The following KCNH8 variants were observed in gnomAD, a reference collection of about 807,000 sequenced individuals.
KCNH8 encodes the protein voltage-gated delayed rectifier potassium channel KCNH8.
KCNH8 carries 70 observed loss-of-function variants against 103.6 expected under a neutral mutation model. That is an observed-to-expected ratio of 0.68 (90% CI 0.56 to 0.82). KCNH8 has a LOEUF of 0.82. Ranked by LOEUF, KCNH8 falls within the 40% of genes least tolerant of loss-of-function variation. The pLI is 0.00. For missense variants in KCNH8, 1,217 were observed against 1,329.9 expected (o/e 0.92, Z 1.32); for synonymous variants, 498 against 489.4 (o/e 1.02, Z -0.23).
chr3:19,380,147 T>G (rs909274232), intron 5 of KCNH8, among the ~76,000 whole-genome samples: 1 of 152,240 alleles, frequency 6.6e-6, no homozygotes, highest in African/African-American at 2.4e-5. Context: ...CTCTAGATAC[T>G]ATAATTTATT....
intron 7 of KCNH8, among the ~76,000 whole-genome samples, chr3:19,403,294 A>G (rs139171168): frequency 9.8e-4 from 146 of 148,886 alleles, no homozygotes; most frequent in Middle Eastern, 3.6e-3. Flanking sequence ...CCTCACATCT[A>G]CTGACAATCT....
intron 11 of KCNH8, among the ~76,000 whole-genome samples, chr3:19,498,364 G>A (rs1317777178): frequency 2.6e-5 from 4 of 152,114 alleles, no homozygotes; most frequent in African/African-American, 4.8e-5. Flanking sequence ...TTTTTGTAGT[G>A]GCTGGTATGT....
At chr3:19,432,342 A>G (rs1458451904) in intron 7 of KCNH8, among the ~76,000 whole-genome samples, 1 of 152,170 alleles carries the variant, frequency 6.6e-6, no homozygotes, top group Non-Finnish European at 1.5e-5. Flanking sequence ...TACCAAAAAC[A>G]GTTGAGAAAT....
intron 3 of KCNH8, among the ~76,000 whole-genome samples, chr3:19,308,727 T>C (rs145225317): frequency 0.021 from 619 of 28,794 alleles, 63 homozygotes; most frequent in African/African-American, 0.086. Context: ...TCCCCCTCTC[T>C]CCCTCTCTCC....
chr3:19,492,894 C>G (rs1218856219), intron 11 of KCNH8, among the ~76,000 whole-genome samples: 1 of 137,468 alleles, frequency 7.3e-6, no homozygotes, highest in Admixed American at 7.5e-5. Context: ...TGATTTCTGA[C>G]TTCTTTCACA....
intron 1 of KCNH8, among the ~76,000 whole-genome samples, chr3:19,245,806 A>G (rs1430934651): frequency 6.6e-6 from 1 of 152,188 alleles, no homozygotes; most frequent in East Asian, 1.9e-4. Context: ...CAGAAACCAT[A>G]CTGAAAGTGT....
intron 1 of KCNH8, among the ~76,000 whole-genome samples, chr3:19,212,824 T>A (rs2063783797): frequency 6.6e-6 from 1 of 152,210 alleles, no homozygotes; most frequent in Admixed American, 6.5e-5. Context: ...GTATTTTTTC[T>A]GTAGCTGGGT....
chr3:19,228,781 G>A (rs960181553), intron 1 of KCNH8, among the ~76,000 whole-genome samples: 4 of 152,188 alleles, frequency 2.6e-5, no homozygotes, highest in African/African-American at 9.6e-5. Context: ...TATGAATAAA[G>A]CTACATGCTT....
intron 14 of KCNH8, 97 bp downstream of exon 14, chr3:19,515,525 T>A: frequency 2.0e-6 from 1 of 505,516 alleles, no homozygotes; most frequent in Non-Finnish European, 3.4e-6. Flanking sequence ...TTCCTGTCCT[T>A]AGAATATTCT....
chr3:19,277,442 T>C (rs1421382928), intron 2 of KCNH8, among the ~76,000 whole-genome samples: 2 of 152,052 alleles, frequency 1.3e-5, no homozygotes, highest in African/African-American at 4.8e-5. Flanking sequence ...TGCACGTCTG[T>C]AGTCCTAGCT....
At position 19,385,003 on chromosome 3, in the gene KCNH8, C is replaced by T. The variant is rs112297756; in HGVS notation, c.812-5478C>T. Among the ~76,000 whole-genome samples, 532 of 152,020 alleles carry T rather than the reference C, an allele frequency of 3.5e-3. 6 individuals are homozygous for T. The highest frequency in any genetic ancestry group is 0.012 in the African/African-American group (482 of 41,502). On this transcript the variant is annotated intron_variant, in intron 5 of 15. Coordinates refer to ENST00000328405, the MANE Select transcript of KCNH8 (RefSeq NM_144633.3). ...AAACCACCAAACTAGAGAGTATCATCGGGCCTATGAAGAGGAAACCATATC... is the reference window on the plus strand; with the variant it reads ...AAACCACCAAACTAGAGAGTATCATTGGGCCTATGAAGAGGAAACCATATC...
intron 11 of KCNH8, among the ~76,000 whole-genome samples, chr3:19,464,471 G>A (rs1430644844): frequency 6.6e-6 from 1 of 151,908 alleles, no homozygotes; most frequent in Non-Finnish European, 1.5e-5. Context: ...TTATGACCTT[G>A]GAATAGCAAA....
At chr3:19,169,303 G>GGCTGGA (rs1434681540) in intron 1 of KCNH8, among the ~76,000 whole-genome samples, 1 of 140,322 alleles carries the variant, frequency 7.1e-6, no homozygotes, top group Non-Finnish European at 1.5e-5. Flanking sequence ...CTTTCGCCCA[G>GGCTGGA]GCTGGAGTGC....
At chr3:19,449,569 A>AT (rs1281904563) in intron 8 of KCNH8, among the ~76,000 whole-genome samples, 1 of 151,884 alleles carries the variant, frequency 6.6e-6, no homozygotes, top group Admixed American at 6.6e-5. Flanking sequence ...TCTAAAACGA[A>AT]TTTTAAATGA....
At chr3:19,323,721 C>G (rs942212414) in intron 3 of KCNH8, among the ~76,000 whole-genome samples, 1 of 152,112 alleles carries the variant, frequency 6.6e-6, no homozygotes, top group East Asian at 1.9e-4. Flanking sequence ...TCTTCCCTTT[C>G]CCCTAAGGAT....
chr3:19,231,268 A>T (rs1400354108), intron 1 of KCNH8, among the ~76,000 whole-genome samples: 1 of 152,078 alleles, frequency 6.6e-6, no homozygotes, highest in Non-Finnish European at 1.5e-5. Context: ...CTTTTTATTT[A>T]TGCATGTTCC....
intron 2 of KCNH8, among the ~76,000 whole-genome samples, chr3:19,255,080 A>G (rs894698382): frequency 3.3e-5 from 5 of 152,140 alleles, no homozygotes; most frequent in Non-Finnish European, 7.3e-5. Context: ...ATCCAATATG[A>G]CTAGAGTCCT....
intron 1 of KCNH8, among the ~76,000 whole-genome samples, chr3:19,171,374 C>T (rs185362554): frequency 6.6e-6 from 1 of 152,214 alleles, no homozygotes; most frequent in African/African-American, 2.4e-5. Context: ...TATTTTTGCT[C>T]CTGTTCATTT....
chr3:19,508,752 C>G (rs912326713), intron 11 of KCNH8, among the ~76,000 whole-genome samples: 3 of 152,114 alleles, frequency 2.0e-5, no homozygotes, highest in Admixed American at 6.5e-5. Flanking sequence ...TCAGAATCTG[C>G]ATTTTAATGA....
Sources: allele counts gnomAD v4.1 joint callset (sites outside exome capture counted in the v4.1 genomes callset), GRCh38; gene constraint gnomAD v4.1.1; transcripts MANE v1.5; gene names NCBI Gene and HGNC (gene_info 2026-07-23, HGNC 2026-07-21).